The following PHLPP1 variants were observed in gnomAD, a reference collection of about 807,000 sequenced individuals.
PHLPP1 encodes the protein PH domain and leucine rich repeat protein phosphatase 1.
PHLPP1 carries 42 observed loss-of-function variants against 117.2 expected under a neutral mutation model. The observed-to-expected ratio is 0.36, with a 90% CI of 0.28 to 0.46. The LOEUF is 0.46. PHLPP1 is among the 20% of genes least tolerant of loss of function. The probability of loss-of-function intolerance (pLI) is 1.00; values close to 1 mark genes in which losing one functional copy is unlikely to be tolerated. For missense variants in PHLPP1, 2,084 were observed against 2,241.9 expected (o/e 0.93, Z 1.42); for synonymous variants, 1,042 against 970.7 (o/e 1.07, Z -1.37).
chr18:62,721,257 A>G (rs1277298339), intron 1 of PHLPP1, among the ~76,000 whole-genome samples: 1 of 152,154 alleles, frequency 6.6e-6, no homozygotes, highest in Non-Finnish European at 1.5e-5. Context: ...AGTGTTCTAA[A>G]TATCCTGGTT....
At chr18:62,795,535 C>G (rs1366106692) in intron 1 of PHLPP1, among the ~76,000 whole-genome samples, 1 of 149,100 alleles carries the variant, frequency 6.7e-6, no homozygotes. Context: ...ATTGTAAAAA[C>G]CATTCTTAAC....
chr18:62,843,370 T>C (rs2144345120), intron 3 of PHLPP1, among the ~76,000 whole-genome samples: 1 of 152,314 alleles, frequency 6.6e-6, no homozygotes, highest in East Asian at 1.9e-4. Flanking sequence ...AAAGGAAAGT[T>C]CTTTATTTTC....
intron 10 of PHLPP1, among the ~76,000 whole-genome samples, chr18:62,931,067 C>T (rs150339872): frequency 5.9e-5 from 9 of 151,996 alleles, no homozygotes; most frequent in Admixed American, 3.3e-4. Context: ...AATGGTGGCA[C>T]GTGCCTGTAG....
At chr18:62,892,419 C>T (rs924374082) in intron 4 of PHLPP1, among the ~76,000 whole-genome samples, 1 of 151,500 alleles carries the variant, frequency 6.6e-6, no homozygotes, top group African/African-American at 2.4e-5. Context: ...TTTGGTGAAT[C>T]TTTTAATATC....
rs551166176 is a variant in PHLPP1, at chr18:62,863,293, C to T, written c.2066+2692C>T. 5.7e-4 allele frequency among the ~76,000 whole-genome samples: 86 copies of T among 152,122 alleles called. 1 individual carries two copies. Among genetic ancestry groups the T allele is most frequent in the South Asian group, 2.3e-3 (11 of 4,814 alleles). On this transcript the variant is annotated intron_variant, in intron 4 of 16. Transcript: ENST00000262719. The stretch of plus-strand genomic sequence containing the variant: ...GTGGCTCACAGCAACCTTCGCCTCC[C>T]GTGCTCAAGTGATCCTCCTGCCTCA...
Position 62,716,705 on chromosome 18 carries a change from G to C in PHLPP1, c.1022G>C (p.Arg341Pro). 1 of 1,486,990 alleles carries C rather than the reference G, an allele frequency of 6.7e-7. No homozygotes were observed. Among genetic ancestry groups the C allele is most frequent in the East Asian group, 2.8e-5 (1 of 35,544 alleles). 92.1% of individuals were successfully genotyped at this position (1,486,990 alleles called of 1,614,324 possible). The stretch of plus-strand genomic sequence containing the variant: ...CCTGTCTCTTCGCCCCGCGCCCCAC[G>C]GCCTGTGGTCTCCGACACCGAGAGC... ...GGPVSSPRAP[R>P]PVVSDTESFS... The change falls in exon 1 of 17, where the codon CGG (arginine) becomes CCG (proline). Residue 341 changes from arginine (R) to proline (P), a missense_variant. Arg to Pro is a moderately radical substitution (Grantham distance 103, BLOSUM62 -2). Around this residue, in one of 2 missense-constraint regions of PHLPP1, gnomAD observed 719 missense variants for 636.0 expected, o/e 1.13. Transcript: ENST00000262719. The surrounding 1 kb of genome is among the most constrained non-coding windows in gnomAD (Gnocchi z 5.7).
At chr18:62,930,792 T>A (rs1263476653) in intron 10 of PHLPP1, among the ~76,000 whole-genome samples, 1 of 152,202 alleles carries the variant, frequency 6.6e-6, no homozygotes, top group Non-Finnish European at 1.5e-5. Flanking sequence ...TGCTCAGTCA[T>A]AAAGCAAGCC....
chr18:62,851,248 G>A (rs1915343033), intron 3 of PHLPP1, among the ~76,000 whole-genome samples: 1 of 152,110 alleles, frequency 6.6e-6, no homozygotes, highest in South Asian at 2.1e-4. Context: ...TCTCTTGATT[G>A]GCTTTTTAAA....
chr18:62,929,255 G>T (rs1334078519), intron 10 of PHLPP1, among the ~76,000 whole-genome samples: 1 of 152,146 alleles, frequency 6.6e-6, no homozygotes, highest in African/African-American at 2.4e-5. Context: ...TTCAAAGCCT[G>T]TAGTCACATG....
chr18:62,907,576 G>A (rs1225841833), intron 8 of PHLPP1, among the ~76,000 whole-genome samples: 1 of 143,038 alleles, frequency 7.0e-6, no homozygotes, highest in Non-Finnish European at 1.5e-5. Flanking sequence ...ATGAAATGAA[G>A]CGAGAAGGGA....
intron 1 of PHLPP1, among the ~76,000 whole-genome samples, chr18:62,802,822 C>T (rs1913825634): frequency 6.6e-6 from 1 of 151,890 alleles, no homozygotes; most frequent in African/African-American, 2.4e-5. Context: ...TAGAAACGTA[C>T]TAATTATGCC....
intron 4 of PHLPP1, among the ~76,000 whole-genome samples, chr18:62,878,869 TTTCA>T: frequency 6.6e-6 from 1 of 152,334 alleles, no homozygotes; most frequent in African/African-American, 2.4e-5. Context: ...AGATGTACTA[TTTCA>T]TTCAATTCAA....
At chr18:62,927,560 G>T (rs1909672517) in intron 10 of PHLPP1, among the ~76,000 whole-genome samples, 1 of 152,056 alleles carries the variant, frequency 6.6e-6, no homozygotes, top group Admixed American at 6.6e-5. Context: ...GAAAATGGAA[G>T]AAAATGACAG....
chr18:62,886,422 C>T (rs573017809), intron 4 of PHLPP1, among the ~76,000 whole-genome samples: 49 of 152,074 alleles, frequency 3.2e-4, no homozygotes, highest in Non-Finnish European at 3.8e-4. Flanking sequence ...TACAGGTGCA[C>T]ACCACCACAC....
In PHLPP1 at chr18:62,766,076, A is replaced by AAATATAT; in HGVS notation, c.1576+48818_1576+48819insATATATA. On this transcript the variant is annotated intron_variant, in intron 1 of 16. Transcript: ENST00000262719. Reference sequence around the variant, plus strand: ...ACTCCATCTCAAAAAAAAAAAAAAAAATATATATATATATATATATATATA... The same window carrying AAATATAT: ...ACTCCATCTCAAAAAAAAAAAAAAAAAATATATATATATATATATATATATATATATA... 8.6e-3 allele frequency among the ~76,000 whole-genome samples: 186 copies of AAATATAT among 21,662 alleles called. 17 individuals carry two copies. Among genetic ancestry groups the AAATATAT allele is most frequent in the Non-Finnish European group, 0.014 (162 of 11,800 alleles). 14.2% of individuals were successfully genotyped at this position (21,662 alleles called of 152,430 possible).
chr18:62,838,949 G>T (rs1019617311), intron 3 of PHLPP1, 40 bp downstream of exon 3: 1 of 1,610,090 alleles, frequency 6.2e-7, no homozygotes, highest in Non-Finnish European at 8.5e-7. Flanking sequence ...TCAGCTTCTA[G>T]CTGGCTACAA....
At chr18:62,748,014 A>G (rs1911728370) in intron 1 of PHLPP1, among the ~76,000 whole-genome samples, 1 of 152,180 alleles carries the variant, frequency 6.6e-6, no homozygotes, top group African/African-American at 2.4e-5. Context: ...TGTCTGCTTG[A>G]AAAGAAGGTA....
chr18:62,758,120 A>G (rs891498965), intron 1 of PHLPP1, among the ~76,000 whole-genome samples: 1 of 152,234 alleles, frequency 6.6e-6, no homozygotes, highest in Admixed American at 6.5e-5. Context: ...ATATACATTT[A>G]AAGTTTATTA....
At chr18:62,804,186 T>G (rs1206781647) in intron 1 of PHLPP1, among the ~76,000 whole-genome samples, 1 of 152,088 alleles carries the variant, frequency 6.6e-6, no homozygotes, top group Admixed American at 6.5e-5. Flanking sequence ...GAAGAGCCCC[T>G]TATGAAACCA....
Sources: gnomAD v4.1 joint callset for allele counts (sites outside exome capture counted in the v4.1 genomes callset) on GRCh38, gnomAD v4.1.1 for gene constraint, gnomAD v4.1.1 regional missense constraint, Gnocchi (gnomAD v3.1) non-coding constraint, MANE v1.5 for transcripts, NCBI Gene and HGNC (gene_info 2026-07-23, HGNC 2026-07-21) for gene names.